ZNF180: variants seen among roughly 807,000 people sequenced by gnomAD.
ZNF180 encodes zinc finger protein 180 (HHZ168).
In ZNF180, 11 loss-of-function variants were observed where a neutral mutation model predicts 11.8. That is an observed-to-expected ratio of 0.93 (90% CI 0.59 to 1.55). The LOEUF (loss-of-function observed/expected upper bound fraction) is 1.55, where lower values mean the gene tolerates loss of function less well. Among genes scored for constraint, ZNF180 ranks in the 40% most tolerant of loss-of-function variants. ZNF180 has a pLI of 0.00. For synonymous variants in ZNF180, 287 were observed against 257.7 expected (o/e 1.11, Z -1.09); for missense variants, 773 against 781.7 (o/e 0.99, Z 0.13).
At chr19:44,484,836 T>A in intron 2 of ZNF180, 1 of 177,934 alleles carries the variant, frequency 5.6e-6, no homozygotes, top group African/African-American at 2.4e-5. Flanking sequence ...GCCAGAATCA[T>A]AAAGAAAAAG....
rs747473578 is a variant in ZNF180 at position 44,477,801 on chromosome 19, C to G, written c.599G>C (p.Trp200Ser). 15 of 1,613,866 alleles carry G rather than the reference C, an allele frequency of 9.3e-6. No homozygotes were observed. Among genetic ancestry groups the G allele is most frequent in the Non-Finnish European group, 1.3e-5 (15 of 1,179,960 alleles). ...FHKHVSHAKK[W>S]HLNAAVNSHQ... The stretch of plus-strand genomic sequence containing the variant: ...ACTGTTTACAGCAGCATTAAGATGC[C>G]ATTTTTTAGCATGTGATACATGTTT... Residue 200 changes from tryptophan (W) to serine (S), a missense_variant, in exon 5 of 5, where the codon TGG becomes TCG. Physicochemically the swap from Trp to Ser is radical, Grantham distance 177. Transcript: ENST00000592529.
chr19:44,491,228 C>T (rs1970441953), intron 2 of ZNF180, among the ~76,000 whole-genome samples: 1 of 152,224 alleles, frequency 6.6e-6, no homozygotes, highest in Non-Finnish European at 1.5e-5. Flanking sequence ...TCAAGCCCCT[C>T]CCTTGGTTAG....
rs1969821608 is a variant in ZNF180, at chr19:44,474,932, C to A, written c.*1470G>T. ...GGTGTGCAACAATCTCTGGATTAAT[C>A]CTCATAGAGATGGCTCCACTTAGGG... On this transcript the variant is annotated 3_prime_UTR_variant, in exon 5 of 5. Coordinates refer to ENST00000592529, the MANE Select transcript of ZNF180 (RefSeq NM_001278509.3). 6.6e-6 allele frequency: 1 copy of A among 152,230 alleles called. No individual in the cohort carries two copies. The highest frequency in any genetic ancestry group is 2.1e-4 in the South Asian group (1 of 4,834). The allele number at this position is 152,230 out of a possible 1,614,324, so 9.4% of individuals were successfully genotyped here.
intron 2 of ZNF180, among the ~76,000 whole-genome samples, chr19:44,489,968 AAAG>A (rs1333106651): frequency 1.0e-4 from 13 of 129,936 alleles, no homozygotes; most frequent in South Asian, 4.8e-4. Flanking sequence ...GAAAGAAAGA[AAAG>A]AAAGAAAGAA....
intron 1 of ZNF180, 138 bp downstream of exon 1, chr19:44,500,137 C>T (rs976622186): frequency 2.5e-5 from 41 of 1,612,088 alleles, no homozygotes; most frequent in South Asian, 4.4e-5. Context: ...CTCCATCAAC[C>T]CCGGTGACCC....
chr19:44,500,246 A>C, intron 1 of ZNF180, 29 bp downstream of exon 1: 1 of 1,613,904 alleles, frequency 6.2e-7, no homozygotes, highest in Non-Finnish European at 8.5e-7. Context: ...CGCATCGGAC[A>C]CCAAGCGCTG....
rs1313005518 is a variant in ZNF180, at chr19:44,477,849, A to G, written c.551T>C (p.Ile184Thr). ...LNSSLFSSPV[I>T]PIRNHFHKHV... Reference sequence around the variant, plus strand: ...TTTATGAAAATGGTTTCTTATGGGTATAACTGGGGATGAAAATAGACTGGA... The same window carrying G: ...TTTATGAAAATGGTTTCTTATGGGTGTAACTGGGGATGAAAATAGACTGGA... The change falls in exon 5 of 5, where the codon ATA becomes ACA. Residue 184 changes from isoleucine to threonine, a missense_variant. Transcript: ENST00000592529. 1 of 1,613,948 alleles carries G rather than the reference A, an allele frequency of 6.2e-7. No homozygotes were observed. The highest frequency in any genetic ancestry group is 8.5e-7 in the Non-Finnish European group (1 of 1,179,998).
chr19:44,476,317 A>T lies in ZNF180; in HGVS notation c.*85T>A. The T allele has an allele frequency of 7.9e-7, 1 of 1,266,882 alleles. No homozygotes were observed. Among genetic ancestry groups the T allele is most frequent in the Non-Finnish European group, 1.1e-6 (1 of 932,778 alleles). The allele number at this position is 1,266,882 out of a possible 1,614,324, so 78.5% of individuals were successfully genotyped here. A position where few individuals can be genotyped will look rare whatever the true frequency, so the allele number is the denominator to read the frequency against. On this transcript the variant is annotated 3_prime_UTR_variant, in exon 5 of 5. Coordinates refer to ENST00000592529, the MANE Select transcript of ZNF180 (RefSeq NM_001278509.3). ...TTCCCACATATATTGTTTTTATAGT[A>T]GTTCTTCCAACTACATGTACTACCT...
chr19:44,492,932 C>CA (rs1970486252), intron 2 of ZNF180, among the ~76,000 whole-genome samples: 1 of 152,208 alleles, frequency 6.6e-6, no homozygotes, highest in African/African-American at 2.4e-5. Flanking sequence ...ATGGCGTCCA[C>CA]AGGGCCCATG....
At chr19:44,496,951 C>T (rs1402908941) in intron 2 of ZNF180, among the ~76,000 whole-genome samples, 1 of 152,124 alleles carries the variant, frequency 6.6e-6, no homozygotes, top group Non-Finnish European at 1.5e-5. Flanking sequence ...ATGGTCTTAT[C>T]GTAATTCATT....
At chr19:44,483,721 A>C (rs1008597713) in intron 3 of ZNF180, among the ~76,000 whole-genome samples, 3 of 152,228 alleles carry the variant, frequency 2.0e-5, no homozygotes, top group Non-Finnish European at 4.4e-5. Context: ...ATATAGAGCT[A>C]ATTTATTCAA....
At chr19:44,486,841 G>T (rs1302915827) in intron 2 of ZNF180, among the ~76,000 whole-genome samples, 1 of 152,100 alleles carries the variant, frequency 6.6e-6, no homozygotes, top group Admixed American at 6.6e-5. Context: ...AGGAGTTCGA[G>T]ACCAGCCTGG....
intron 2 of ZNF180, among the ~76,000 whole-genome samples, chr19:44,488,902 C>G (rs574693207): frequency 0.022 from 3,327 of 151,190 alleles, 101 homozygotes; most frequent in African/African-American, 0.076. Context: ...TGAGGAGACC[C>G]TCTGCCTGGC....
Position 44,476,315 on chromosome 19 carries a change from G to T in ZNF180, c.*87C>A. ...TTTTCCCACATATATTGTTTTTATAGTAGTTCTTCCAACTACATGTACTAC... is the reference window on the plus strand; with the variant it reads ...TTTTCCCACATATATTGTTTTTATATTAGTTCTTCCAACTACATGTACTAC... On this transcript the variant is annotated 3_prime_UTR_variant, in exon 5 of 5. Coordinates refer to ENST00000592529, the MANE Select transcript of ZNF180 (RefSeq NM_001278509.3). 3 of 1,255,224 alleles carry T rather than the reference G, an allele frequency of 2.4e-6. No homozygotes were observed. The highest frequency in any genetic ancestry group is 3.2e-6 in the Non-Finnish European group (3 of 923,974). The allele number at this position is 1,255,224 out of a possible 1,614,324, so 77.8% of individuals were successfully genotyped here.
At chr19:44,489,806 A>G (rs1233965292) in intron 2 of ZNF180, among the ~76,000 whole-genome samples, 1 of 121,940 alleles carries the variant, frequency 8.2e-6, no homozygotes, top group Non-Finnish European at 1.7e-5. Context: ...ATAAATAAAT[A>G]AACTTGACCG....
At chr19:44,487,972 A>T (rs893849178) in intron 2 of ZNF180, among the ~76,000 whole-genome samples, 6 of 152,238 alleles carry the variant, frequency 3.9e-5, no homozygotes, top group African/African-American at 1.4e-4. Flanking sequence ...TGATCTGCCC[A>T]CACTGGCCTC....
chr19:44,492,693 A>G (rs1253803840), intron 2 of ZNF180, among the ~76,000 whole-genome samples: 2 of 152,208 alleles, frequency 1.3e-5, no homozygotes, highest in Admixed American at 1.3e-4. Context: ...TCCTTTCCCA[A>G]TCTGAGGTAT....
chr19:44,500,095 G>A, intron 1 of ZNF180, 180 bp downstream of exon 1: 3 of 1,537,476 alleles, frequency 2.0e-6, no homozygotes, highest in Admixed American at 1.7e-5. Flanking sequence ...GCACGCAGAG[G>A]ACAGTCGCGG....
chr19:44,489,891 GAGAA>G (rs777888392), intron 2 of ZNF180, among the ~76,000 whole-genome samples: 31 of 116,604 alleles, frequency 2.7e-4, no homozygotes, highest in Non-Finnish European at 4.5e-4. Context: ...GAGAGAGAGA[GAGAA>G]AGAAAGAGAG....
Sources: gnomAD v4.1 joint callset for allele counts (sites outside exome capture counted in the v4.1 genomes callset) on GRCh38, gnomAD v4.1.1 for gene constraint, MANE v1.5 for transcripts, NCBI Gene and HGNC (gene_info 2026-07-23, HGNC 2026-07-21) for gene names.